RETREG1: variants seen among roughly 807,000 people sequenced by gnomAD.
RETREG1 encodes reticulophagy regulator 1.
RETREG1 carries 44 observed loss-of-function variants against 54.8 expected under a neutral mutation model. That is an observed-to-expected ratio of 0.80 (90% CI 0.63 to 1.03). The LOEUF is 1.03. Ranked by LOEUF, RETREG1 falls within the 50% of genes least tolerant of loss-of-function variation. RETREG1 has a pLI of 0.00. For synonymous variants in RETREG1, 217 were observed against 238.5 expected, an observed-to-expected ratio of 0.91 and a Z score of 0.83; for missense variants, 554 against 605.1, an observed-to-expected ratio of 0.92 and a Z score of 0.89.
intron 3 of RETREG1, among the ~76,000 whole-genome samples, chr5:16,538,926 G>T (rs939783016): frequency 6.6e-6 from 1 of 152,092 alleles, no homozygotes; most frequent in African/African-American, 2.4e-5. Flanking sequence ...GGATGGTCTC[G>T]ATCTCCTGAC....
intron 3 of RETREG1, among the ~76,000 whole-genome samples, chr5:16,517,936 C>T (rs1160181579): frequency 1.3e-5 from 2 of 151,746 alleles, no homozygotes; most frequent in Non-Finnish European, 1.5e-5. Flanking sequence ...CAATGAAATC[C>T]TATGCTGCCA....
At chr5:16,511,537 C>G (rs897274960) in intron 3 of RETREG1, among the ~76,000 whole-genome samples, 1 of 152,190 alleles carries the variant, frequency 6.6e-6, no homozygotes, top group Non-Finnish European at 1.5e-5. Context: ...TTTGTTTTAG[C>G]GCCCTGTCAT....
chr5:16,557,590 G>C (rs1283898534), intron 3 of RETREG1, among the ~76,000 whole-genome samples: 1 of 152,156 alleles, frequency 6.6e-6, no homozygotes, highest in African/African-American at 2.4e-5. Context: ...GAAAGAAAAG[G>C]GCTTTGACTC....
chr5:16,616,967 G>T lies in RETREG1; in HGVS notation c.5C>A (p.Ala2Glu), dbSNP rs758802919. 2 of 1,423,048 alleles carry T rather than the reference G, an allele frequency of 1.4e-6. No homozygotes were observed. The highest frequency in any genetic ancestry group is 1.4e-5 in the South Asian group (1 of 70,082). The allele number at this position is 1,423,048 out of a possible 1,614,324, so 88.2% of individuals were successfully genotyped here. A position where few individuals can be genotyped will look rare whatever the true frequency, so the allele number is the denominator to read the frequency against. Reference protein sequence around the residue: MASPAPPEHAEE... With the variant: MESPAPPEHAEE... ...GGCGTGCTCCGGAGGCGCCGGGCTC[G>T]CCATCTTCAGCTGTGCTTCCAGACA... Residue 2 changes from alanine to glutamate, a missense_variant, in exon 1 of 9, where the codon GCG becomes GAG. Coordinates refer to ENST00000306320, the MANE Select transcript of RETREG1 (RefSeq NM_001034850.3).
intron 1 of RETREG1, among the ~76,000 whole-genome samples, chr5:16,587,133 G>A (rs1412495021): frequency 3.3e-5 from 5 of 152,216 alleles, no homozygotes; most frequent in African/African-American, 1.2e-4. Context: ...AGTGATAGGT[G>A]CTGAAAAGGC....
chr5:16,584,828 T>C (rs1285100464), intron 1 of RETREG1, among the ~76,000 whole-genome samples: 1 of 152,202 alleles, frequency 6.6e-6, no homozygotes, highest in Non-Finnish European at 1.5e-5. Context: ...GTTTAAAACA[T>C]GTATGTGTGT....
chr5:16,521,120 G>A (rs1176465492), intron 3 of RETREG1, among the ~76,000 whole-genome samples: 1 of 152,092 alleles, frequency 6.6e-6, no homozygotes, highest in Non-Finnish European at 1.5e-5. Flanking sequence ...AAGTCCTGTG[G>A]GTCACCTGGA....
At chr5:16,599,519 G>A (rs1177384297) in intron 1 of RETREG1, among the ~76,000 whole-genome samples, 2 of 152,276 alleles carry the variant, frequency 1.3e-5, no homozygotes, top group African/African-American at 4.8e-5. Context: ...CAGAGAACTT[G>A]GATACCTTGC....
intron 1 of RETREG1, among the ~76,000 whole-genome samples, chr5:16,588,727 C>G (rs1742681057): frequency 1.3e-5 from 2 of 152,322 alleles, no homozygotes; most frequent in South Asian, 4.1e-4. Context: ...TTAGAGCCAA[C>G]AGGTTATTTA....
At chr5:16,476,111 C>G (rs1738527495) in intron 8 of RETREG1, among the ~76,000 whole-genome samples, 1 of 152,148 alleles carries the variant, frequency 6.6e-6, no homozygotes, top group African/African-American at 2.4e-5. Context: ...GAATGACCTT[C>G]AGCAATGCTC....
intron 1 of RETREG1, among the ~76,000 whole-genome samples, chr5:16,600,641 G>A (rs1743028453): frequency 6.6e-6 from 1 of 152,120 alleles, no homozygotes; most frequent in Non-Finnish European, 1.5e-5. Flanking sequence ...AGTGAACGCT[G>A]TGAAGTGGCC....
At chr5:16,512,114 C>T (rs1159025302) in intron 3 of RETREG1, among the ~76,000 whole-genome samples, 1 of 152,196 alleles carries the variant, frequency 6.6e-6, no homozygotes, top group African/African-American at 2.4e-5. Flanking sequence ...CTGCTGGGGA[C>T]TAAGGTGCTA....
intron 3 of RETREG1, among the ~76,000 whole-genome samples, chr5:16,555,203 G>A (rs1211424353): frequency 1.3e-5 from 2 of 152,142 alleles, no homozygotes; most frequent in Non-Finnish European, 2.9e-5. Context: ...CCAGGCTGGG[G>A]TGCAGTGGCG....
At chr5:16,599,230 A>T (rs562064598) in intron 1 of RETREG1, among the ~76,000 whole-genome samples, 1 of 152,076 alleles carries the variant, frequency 6.6e-6, no homozygotes, top group East Asian at 1.9e-4. Context: ...AAATAAGTAA[A>T]TTTTTTACAA....
intron 3 of RETREG1, among the ~76,000 whole-genome samples, chr5:16,528,568 C>T (rs1022740198): frequency 1.3e-5 from 2 of 152,074 alleles, no homozygotes; most frequent in Non-Finnish European, 2.9e-5. Flanking sequence ...AGACCTGTCC[C>T]AGGTGATAGC....
chr5:16,518,842 C>CT (rs1424680394), intron 3 of RETREG1, among the ~76,000 whole-genome samples: 1 of 152,204 alleles, frequency 6.6e-6, no homozygotes, highest in Non-Finnish European at 1.5e-5. Context: ...ACTCAAGAGT[C>CT]TAAGAATTTC....
At chr5:16,485,472 A>T (rs570911443) in intron 3 of RETREG1, among the ~76,000 whole-genome samples, 3 of 152,188 alleles carry the variant, frequency 2.0e-5, no homozygotes, top group Non-Finnish European at 2.9e-5. Flanking sequence ...CGAGGACAAA[A>T]AAATATTTTT....
Position 16,564,595 on chromosome 5 carries a change from C to A in RETREG1, c.458+1168G>T, listed in dbSNP as rs373523712. ...CCTATGCGCAGCACACAGATCAGAG[C>A]ACAGGGCAAGACAAATGCCTACCAG... On this transcript the variant is annotated intron_variant, in intron 3 of 8. Transcript: ENST00000306320. Among the ~76,000 whole-genome samples the A allele has an allele frequency of 1.1e-3, 170 of 152,318 alleles. 1 individual carries two copies. Among genetic ancestry groups the A allele is most frequent in the African/African-American group, 3.8e-3 (159 of 41,576 alleles).
chr5:16,522,494 C>A (rs1740567539), intron 3 of RETREG1, among the ~76,000 whole-genome samples: 1 of 152,084 alleles, frequency 6.6e-6, no homozygotes, highest in East Asian at 1.9e-4. Flanking sequence ...CCTTCAATGA[C>A]TAGAAAAAGT....
Sources: allele counts gnomAD v4.1 joint callset (sites outside exome capture counted in the v4.1 genomes callset), GRCh38; gene constraint gnomAD v4.1.1; transcripts MANE v1.5; gene names NCBI Gene and HGNC (gene_info 2026-07-23, HGNC 2026-07-21).